UBR4: variants seen among roughly 807,000 people sequenced by gnomAD.
UBR4 encodes ubiquitin protein ligase E3 component n-recognin 4.
UBR4 carries 124 observed loss-of-function variants against 575.6 expected under a neutral mutation model. The ratio of observed to expected loss-of-function variants is 0.22; its 90% CI spans 0.19 to 0.25. The LOEUF (loss-of-function observed/expected upper bound fraction) is 0.25. Ranked by LOEUF, UBR4 falls within the 10% of genes least tolerant of loss-of-function variation. The pLI, the probability that UBR4 is intolerant of heterozygous loss-of-function variation, is 1.00. For synonymous variants in UBR4, 2,455 were observed against 2,473.7 expected (o/e 0.99, Z 0.22); for missense variants, 4,818 against 6,478.8 (o/e 0.74, Z 8.80).
chr1:19,127,571 C>G (rs2149609845), intron 63 of UBR4, 52 bp downstream of exon 63: 2 of 1,456,472 alleles, frequency 1.4e-6, no homozygotes, highest in South Asian at 2.3e-5. Context: ...CTAGCACTAC[C>G]CAGACAATCC....
chr1:19,093,651 C>T lies in UBR4; in HGVS notation c.13938-165G>A, dbSNP rs1432604763. ...CGGCTCCTGCCACTCTCCCTGTTTA[C>T]CTGCTATGTCTCCCACGCTCACAGC... On this transcript the variant is annotated intron_variant, in intron 95 of 105. Transcript: ENST00000375254. This position sits in a 1 kb window ranked among gnomAD's most constrained non-coding sequence, Gnocchi z 4.8. Among the ~76,000 whole-genome samples, 1 of 152,238 alleles carries T rather than the reference C, an allele frequency of 6.6e-6. No homozygotes were observed.
At chr1:19,177,010 T>G (rs1369694046) in intron 19 of UBR4, among the ~76,000 whole-genome samples, 1 of 152,216 alleles carries the variant, frequency 6.6e-6, no homozygotes, top group African/African-American at 2.4e-5. Context: ...AAGGGTATAG[T>G]GCTCAATGAA....
In UBR4 at chr1:19,162,521, T is replaced by C; in HGVS notation, c.4855A>G (p.Ser1619Gly). 1.9e-6 allele frequency: 3 copies of C among 1,614,196 alleles called. No individual in the cohort carries two copies. Among genetic ancestry groups the C allele is most frequent in the Non-Finnish European group, 2.5e-6 (3 of 1,180,036 alleles). The change falls in exon 35 of 106, where the codon AGT (serine) becomes GGT (glycine). Residue 1619 changes from serine (S) to glycine (G), a missense_variant. By Grantham distance (56) the Ser-to-Gly change is moderately conservative. Around this residue, in one of 29 missense-constraint regions of UBR4, gnomAD observed 1,172 missense variants for 1,259.7 expected, o/e 0.93. Coordinates refer to ENST00000375254, the MANE Select transcript of UBR4 (RefSeq NM_020765.3). ...TCTTCCCCATCCACTGAGAGATGAC[T>C]TGGGCCTTGACCATTACTCTGGCTC... ...ALSQSNGQGP[S>G]HLSVDGEERA...
chr1:19,144,020 A>G lies in UBR4; in HGVS notation c.8139T>C (p.His2713=), dbSNP rs550855305. The G allele has an allele frequency of 3.5e-5, 57 of 1,614,060 alleles. No individual in the cohort carries two copies. The highest frequency in any genetic ancestry group is 1.6e-4 in the Middle Eastern group (1 of 6,062). ...RVLRPRNKRR[H]VTLPSSPRSN... Reference sequence around the variant, plus strand: ...TTCGAGGGGAAGAGGGTAAAGTCACATGTCTCCGTTTGTTCCTGGGCCTTA... The same window carrying G: ...TTCGAGGGGAAGAGGGTAAAGTCACGTGTCTCCGTTTGTTCCTGGGCCTTA... The change falls in exon 55 of 106, where the codon CAT becomes CAC. Residue 2713 remains histidine, a synonymous_variant. Coordinates refer to ENST00000375254, the MANE Select transcript of UBR4 (RefSeq NM_020765.3).
At chr1:19,197,379 G>C in intron 7 of UBR4, 114 bp from the exon 8 acceptor site, 1 of 1,437,412 alleles carries the variant, frequency 7.0e-7, no homozygotes, top group Non-Finnish European at 9.5e-7. Flanking sequence ...CTATAATTCC[G>C]ACACTTCAGG....
At chr1:19,083,190 C>T (rs1380772038) in intron 102 of UBR4, among the ~76,000 whole-genome samples, 2 of 152,148 alleles carry the variant, frequency 1.3e-5, no homozygotes, top group African/African-American at 4.8e-5. Flanking sequence ...TCTGCGCCAT[C>T]AGTGCTGCCA....
chr1:19,177,866 GA>G, intron 18 of UBR4, 123 bp from the exon 19 acceptor site: 15 of 1,184,352 alleles, frequency 1.3e-5, no homozygotes, highest in South Asian at 3.3e-5. Flanking sequence ...AATTAAGGAA[GA>G]AAAAAAGGCT....
chr1:19,188,408 G>T (rs2091765714), intron 11 of UBR4, among the ~76,000 whole-genome samples: 1 of 152,042 alleles, frequency 6.6e-6, no homozygotes, highest in African/African-American at 2.4e-5. Flanking sequence ...GAAAAACTTA[G>T]CCAGAAGTGG....
chr1:19,119,652 T>G lies in UBR4; in HGVS notation c.10360A>C (p.Ile3454Leu). 1 of 1,614,064 alleles carries G rather than the reference T, an allele frequency of 6.2e-7. No individual in the cohort carries two copies. Among genetic ancestry groups the G allele is most frequent in the Non-Finnish European group, 8.5e-7 (1 of 1,179,892 alleles). ...QELLLDLMWS[I>L]WPELPAYGRK... ...CCATAGGCTGGGAGTTCTGGCCAGA[T>G]GGACCACATCAGATCTAGCAGGAGC... is the stretch of plus-strand genomic sequence containing the variant. The change falls in exon 70 of 106, where the codon ATC (isoleucine) becomes CTC (leucine). Residue 3454 changes from isoleucine to leucine, a missense_variant. By Grantham distance (5) the Ile-to-Leu change is conservative. Coordinates refer to ENST00000375254, the MANE Select transcript of UBR4 (RefSeq NM_020765.3).
At chr1:19,168,939 C>T (rs2088998097) in intron 27 of UBR4, among the ~76,000 whole-genome samples, 1 of 149,160 alleles carries the variant, frequency 6.7e-6, no homozygotes. Context: ...GATCACGACA[C>T]TGCACTCCAT....
At chr1:19,169,600 C>T in intron 26 of UBR4, 68 bp from the exon 27 acceptor site, 2 of 1,368,062 alleles carry the variant, frequency 1.5e-6, no homozygotes, top group Non-Finnish European at 2.0e-6. Flanking sequence ...ATTTTAAAAG[C>T]CAAGCCCAAA....
intron 39 of UBR4, among the ~76,000 whole-genome samples, chr1:19,159,108 T>C (rs1271723608): frequency 2.0e-5 from 3 of 152,202 alleles, no homozygotes; most frequent in Non-Finnish European, 4.4e-5. Flanking sequence ...ATCATGCCAC[T>C]GCACTCCAGC....
At chr1:19,076,308 CAG>C (rs2075933796) in intron 105 of UBR4, among the ~76,000 whole-genome samples, 1 of 152,194 alleles carries the variant, frequency 6.6e-6, no homozygotes, top group Non-Finnish European at 1.5e-5. Context: ...AGGAGGAAGA[CAG>C]GGGCATTCCA....
intron 44 of UBR4, among the ~76,000 whole-genome samples, chr1:19,154,229 T>C (rs958310655): frequency 3.3e-5 from 5 of 152,186 alleles, no homozygotes; most frequent in Non-Finnish European, 7.3e-5. Context: ...CAGAGGGCCA[T>C]GGAGCTGCCT....
chr1:19,096,441 C>CA, intron 92 of UBR4, 82 bp downstream of exon 92: 1 of 1,547,864 alleles, frequency 6.5e-7, no homozygotes, highest in South Asian at 1.2e-5. Context: ...GGTAAAATGA[C>CA]ACAGTGGCCA....
Position 19,201,727 on chromosome 1 carries a change from A to C in UBR4, c.265T>G (p.Cys89Gly), listed in dbSNP as rs748350465. Residue 89 changes from cysteine (C) to glycine (G), a missense_variant, in exon 2 of 106, where the codon TGC becomes GGC. By Grantham distance (159) the Cys-to-Gly change is radical. Around this residue, in one of 29 missense-constraint regions of UBR4, gnomAD observed 85 missense variants for 134.2 expected, o/e 0.63. Coordinates refer to ENST00000375254, the MANE Select transcript of UBR4 (RefSeq NM_020765.3). The part of the protein sequence containing the change: ...ALSTHYITTV[C>G]SLIPRNQLQS... ...AGAGTGGAATACTTACTGAGACTGC[A>C]AACTGTTGTAATATAGTGTGTGGAA... 6.2e-6 allele frequency: 10 copies of C among 1,613,794 alleles called. No individual in the cohort carries two copies. Among genetic ancestry groups the C allele is most frequent in the Non-Finnish European group, 7.6e-6 (9 of 1,179,724 alleles).
chr1:19,175,098 T>C, intron 20 of UBR4, 65 bp from the exon 21 acceptor site: 1 of 1,413,810 alleles, frequency 7.1e-7, no homozygotes, highest in Non-Finnish European at 9.8e-7. Flanking sequence ...TAGTATGCAA[T>C]GTAAAACTCA....
chr1:19,128,415 T>C (rs2082051948), intron 61 of UBR4, 97 bp from the exon 62 acceptor site: 2 of 986,316 alleles, frequency 2.0e-6, no homozygotes, highest in Non-Finnish European at 3.2e-6. Context: ...CTTCCTGACA[T>C]CCCTATCAAT....
chr1:19,190,843 T>C (rs1270111589), intron 11 of UBR4, among the ~76,000 whole-genome samples: 3 of 152,226 alleles, frequency 2.0e-5, no homozygotes, highest in Admixed American at 2.0e-4. Context: ...CTCCTTCTTA[T>C]CTTATGCCCT....
Sources: allele counts gnomAD v4.1 joint callset (sites outside exome capture counted in the v4.1 genomes callset), GRCh38; gene constraint gnomAD v4.1.1; regional missense constraint gnomAD v4.1.1; non-coding constraint Gnocchi (gnomAD v3.1); transcripts MANE v1.5; gene names NCBI Gene and HGNC (gene_info 2026-07-23, HGNC 2026-07-21).